CADPS: variants seen among roughly 807,000 people sequenced by gnomAD.
The protein encoded by CADPS is calcium-dependent secretion activator 1.
CADPS carries 57 observed loss-of-function variants against 167.3 expected under a neutral mutation model. The observed-to-expected ratio is 0.34, with a 90% CI of 0.28 to 0.42. The LOEUF (loss-of-function observed/expected upper bound fraction) is 0.42, where lower values mean the gene tolerates loss of function less well. CADPS is among the 20% of genes least tolerant of loss of function. CADPS has a pLI of 1.00. For missense variants in CADPS, 1,414 were observed against 1,738.1 expected (o/e 0.81, Z 3.32); for synonymous variants, 676 against 635.3 (o/e 1.06, Z -0.96).
At chr3:62,694,358 C>T (rs371356652) in intron 3 of CADPS, among the ~76,000 whole-genome samples, 9 of 151,966 alleles carry the variant, frequency 5.9e-5, no homozygotes, top group African/African-American at 2.2e-4. Flanking sequence ...TAAGGGTGTC[C>T]TAACTAATTC....
chr3:62,617,805 T>C (rs898752287), intron 6 of CADPS, among the ~76,000 whole-genome samples: 2 of 152,048 alleles, frequency 1.3e-5, no homozygotes, highest in Admixed American at 1.3e-4. Context: ...GTAGGTTGGG[T>C]AGGATGAATG....
At chr3:62,762,427 C>T (rs933619529) in intron 2 of CADPS, among the ~76,000 whole-genome samples, 9 of 151,960 alleles carry the variant, frequency 5.9e-5, no homozygotes, top group South Asian at 4.2e-4. Flanking sequence ...GGGGCCAATG[C>T]GGGTGGATCA....
At chr3:62,418,123 A>T (rs965717955) in intron 28 of CADPS, among the ~76,000 whole-genome samples, 1 of 152,108 alleles carries the variant, frequency 6.6e-6, no homozygotes, top group Non-Finnish European at 1.5e-5. Context: ...AGAAGTAATG[A>T]CTTGTTAAAT....
In CADPS at chr3:62,448,706, C is replaced by T. The variant is rs1033183356; in HGVS notation, c.3637-2909G>A. On this transcript the variant is annotated intron_variant, in intron 26 of 29. Transcript: ENST00000383710. ...TCGGCCCACTGCAACCTCTGCCTCC[C>T]GAGTTGAAGCAATTCTACTGCCTCA... 2.6e-5 allele frequency among the ~76,000 whole-genome samples: 4 copies of T among 152,012 alleles called. 1 individual carries two copies. Among genetic ancestry groups the T allele is most frequent in the African/African-American group, 7.2e-5 (3 of 41,392 alleles).
At chr3:62,826,886 GA>G (rs2074156239) in intron 1 of CADPS, among the ~76,000 whole-genome samples, 1 of 152,182 alleles carries the variant, frequency 6.6e-6, no homozygotes. Flanking sequence ...AGGTTGTGGG[GA>G]AAAGATCTTT....
Position 62,753,373 on chromosome 3 carries a change from T to C in CADPS, c.888+68A>G, listed in dbSNP as rs1266994173. ...TCCTTTTTTTAAAAAAATCAAGAAG[T>C]ATCTCATAGAAGTTGGAATGCAGCT... On this transcript the variant is annotated intron_variant, in intron 3 of 29. Transcript: ENST00000383710. This position sits in a 1 kb window ranked among gnomAD's most constrained non-coding sequence, Gnocchi z 4.6. 4 of 1,138,092 alleles carry C rather than the reference T, an allele frequency of 3.5e-6. No individual in the cohort carries two copies. Among genetic ancestry groups the C allele is most frequent in the African/African-American group, 1.6e-5 (1 of 64,160 alleles). 70.5% of individuals were successfully genotyped at this position (1,138,092 alleles called of 1,614,324 possible).
chr3:62,499,300 C>A, intron 17 of CADPS, 32 bp from the exon 18 acceptor site: 1 of 1,428,050 alleles, frequency 7.0e-7, no homozygotes, highest in Middle Eastern at 1.8e-4. Flanking sequence ...TAAAATTCAG[C>A]GAAAGTGGCA....
intron 6 of CADPS, among the ~76,000 whole-genome samples, chr3:62,598,420 T>G (rs1383379897): frequency 1.3e-5 from 2 of 152,248 alleles, no homozygotes; most frequent in African/African-American, 4.8e-5. Context: ...TTTAAATATT[T>G]GCACCCTTCC....
intron 1 of CADPS, among the ~76,000 whole-genome samples, chr3:62,812,570 T>C (rs1297435109): frequency 6.6e-6 from 1 of 152,196 alleles, no homozygotes; most frequent in Admixed American, 6.6e-5. Flanking sequence ...AATTTCATTT[T>C]AAAGGCAGCA....
chr3:62,748,843 G>C lies in CADPS; in HGVS notation c.888+4598C>G, dbSNP rs140832152. Among the ~76,000 whole-genome samples the C allele has an allele frequency of 1.8e-4, 28 of 152,250 alleles. No individual in the cohort carries two copies. In the East Asian group the frequency reaches 5.4e-3, roughly 29 times the overall value. ...CCACCTCAGCCTCCTGAGTAGCTGGGACTATGGGTGCATGCCACCACACCC... is the reference window on the plus strand; with the variant it reads ...CCACCTCAGCCTCCTGAGTAGCTGGCACTATGGGTGCATGCCACCACACCC... On this transcript the variant is annotated intron_variant, in intron 3 of 29. Coordinates refer to ENST00000383710, the MANE Select transcript of CADPS (RefSeq NM_003716.4).
chr3:62,561,867 A>T (rs1295065761), intron 9 of CADPS, among the ~76,000 whole-genome samples: 1 of 152,172 alleles, frequency 6.6e-6, no homozygotes, highest in African/African-American at 2.4e-5. Context: ...AACTCTGGTC[A>T]CCAGCCCTTG....
At chr3:62,793,799 A>G (rs1487977009) in intron 1 of CADPS, among the ~76,000 whole-genome samples, 2 of 152,226 alleles carry the variant, frequency 1.3e-5, no homozygotes, top group African/African-American at 4.8e-5. Flanking sequence ...GTGTGCGTGC[A>G]TGCATATTTG....
intron 1 of CADPS, among the ~76,000 whole-genome samples, chr3:62,766,940 G>A (rs988698297): frequency 1.3e-5 from 2 of 152,024 alleles, no homozygotes; most frequent in East Asian, 1.9e-4. Context: ...CTTATTCATC[G>A]AAGTTTTCCC....
intron 3 of CADPS, among the ~76,000 whole-genome samples, chr3:62,711,578 T>C (rs915687170): frequency 2.0e-5 from 3 of 152,168 alleles, no homozygotes; most frequent in African/African-American, 7.2e-5. Flanking sequence ...CTAGTGAGAG[T>C]GATTAGCTTG....
intron 27 of CADPS, among the ~76,000 whole-genome samples, chr3:62,444,220 T>G (rs75867559): frequency 0.013 from 2,035 of 152,242 alleles, 46 homozygotes; most frequent in African/African-American, 0.046. Flanking sequence ...GAATTTCAAT[T>G]TCTATCACTG....
chr3:62,648,655 G>A (rs923803954), intron 5 of CADPS, among the ~76,000 whole-genome samples: 1 of 120,774 alleles, frequency 8.3e-6, no homozygotes, highest in Non-Finnish European at 1.6e-5. Flanking sequence ...CTGCACCACT[G>A]CACTCTAGCC....
rs934668708 is a variant in CADPS, at chr3:62,412,680, C to T, written c.3778-9495G>A. On this transcript the variant is annotated intron_variant, in intron 28 of 29. Coordinates refer to ENST00000383710, the MANE Select transcript of CADPS (RefSeq NM_003716.4). The surrounding 1 kb of genome is among the most constrained non-coding windows in gnomAD (Gnocchi z 4.1). ...AGGGATGAATCCACAAGTAGACTCC[C>T]GACTTAATGCATTTCAGCCTTCTAA... 4.6e-5 allele frequency among the ~76,000 whole-genome samples: 7 copies of T among 152,068 alleles called. No homozygotes were observed. The highest frequency in any genetic ancestry group is 2.1e-4 in the South Asian group (1 of 4,814).
At chr3:62,740,895 C>T (rs746288380) in intron 3 of CADPS, among the ~76,000 whole-genome samples, 1 of 152,184 alleles carries the variant, frequency 6.6e-6, no homozygotes, top group Admixed American at 6.5e-5. Context: ...ATTCACACTG[C>T]CACTATATAT....
chr3:62,859,532 G>A (rs2080366089), intron 1 of CADPS, among the ~76,000 whole-genome samples: 1 of 152,084 alleles, frequency 6.6e-6, no homozygotes, highest in African/African-American at 2.4e-5. Context: ...GGGGAGACGT[G>A]CTTCTGATTA....
Sources: gnomAD v4.1 joint callset for allele counts (sites outside exome capture counted in the v4.1 genomes callset) on GRCh38, gnomAD v4.1.1 for gene constraint, Gnocchi (gnomAD v3.1) non-coding constraint, MANE v1.5 for transcripts, NCBI Gene and HGNC (gene_info 2026-07-23, HGNC 2026-07-21) for gene names.